The following DHRS9 variants were observed in gnomAD, a reference collection of about 807,000 sequenced individuals.
DHRS9 encodes the protein dehydrogenase/reductase SDR family member 9.
A neutral mutation model predicts 26.6 loss-of-function variants in DHRS9; 18 were observed. The ratio of observed to expected loss-of-function variants is 0.68; its 90% CI spans 0.47 to 1.00. The LOEUF (loss-of-function observed/expected upper bound fraction) is 1.00. DHRS9 is among the 50% of genes least tolerant of loss of function. The pLI is 0.00. For synonymous variants in DHRS9, 134 were observed against 141.1 expected (o/e 0.95, Z 0.36); for missense variants, 425 against 378.7 (o/e 1.12, Z -1.01).
chr2:169,087,395 C>T (rs6757032), intron 3 of DHRS9, among the ~76,000 whole-genome samples: 37,697 of 151,810 alleles, frequency 0.25, 5,105 homozygotes, highest in African/African-American at 0.36. Flanking sequence ...TCCCCTCTGG[C>T]CCAGGATAGG....
At chr2:169,091,051 A>G (rs1212581534) in intron 3 of DHRS9, among the ~76,000 whole-genome samples, 1 of 152,062 alleles carries the variant, frequency 6.6e-6, no homozygotes, top group Non-Finnish European at 1.5e-5. Context: ...GGTTAGGTAT[A>G]TTAGATGCAT....
At chr2:169,073,739 T>C (rs1051064763) in intron 1 of DHRS9, among the ~76,000 whole-genome samples, 5 of 152,150 alleles carry the variant, frequency 3.3e-5, no homozygotes, top group African/African-American at 1.2e-4. Flanking sequence ...ATATGAGTAA[T>C]TTTTATAAGT....
At chr2:169,068,158 G>C (rs943176787), upstream of DHRS9, among the ~76,000 whole-genome samples, 5 of 152,134 alleles carry the variant, frequency 3.3e-5, no homozygotes, top group African/African-American at 7.2e-5. Flanking sequence ...CACAGGAAGG[G>C]TTCAGTATTA....
At chr2:169,079,260 A>AT (rs927749218) in intron 1 of DHRS9, among the ~76,000 whole-genome samples, 20 of 151,960 alleles carry the variant, frequency 1.3e-4, no homozygotes, top group Admixed American at 6.6e-4. Context: ...CATTACATTG[A>AT]TTTTTTTTAA....
At chr2:169,081,915 T>C in intron 2 of DHRS9, 21 bp downstream of exon 2, 1 of 1,583,624 alleles carries the variant, frequency 6.3e-7, no homozygotes, top group Non-Finnish European at 8.6e-7. Context: ...TGGAAGTGGG[T>C]AGGATGGGAC....
At position 169,083,416 on chromosome 2, in the gene DHRS9, T is replaced by C. The variant is rs768120176; in HGVS notation, c.401T>C (p.Ile134Thr). The C allele has an allele frequency of 3.1e-6, 5 of 1,614,094 alleles. No individual in the cohort carries two copies. The highest frequency in any genetic ancestry group is 4.5e-5 in the East Asian group (2 of 44,876). Residue 134 changes from isoleucine (I) to threonine (T), a missense_variant, in exon 3 of 5, where the codon ATT becomes ACT. By Grantham distance (89) the Ile-to-Thr change is moderately conservative. Transcript: ENST00000674881. ...WLTLEDYREP[I>T]EVNLFGLISV... Reference sequence around the variant, plus strand: ...ACACTAGAGGACTACAGAGAACCTATTGAAGTGAACCTGTTTGGACTCATC... The same window carrying C: ...ACACTAGAGGACTACAGAGAACCTACTGAAGTGAACCTGTTTGGACTCATC...
chr2:169,085,879 T>G (rs1684333979), intron 3 of DHRS9, among the ~76,000 whole-genome samples: 1 of 152,254 alleles, frequency 6.6e-6, no homozygotes, highest in Admixed American at 6.5e-5. Flanking sequence ...GTTATTTGTT[T>G]TTGAGGAATC....
At chr2:169,088,665 C>T (rs528553359) in intron 3 of DHRS9, among the ~76,000 whole-genome samples, 9 of 152,214 alleles carry the variant, frequency 5.9e-5, no homozygotes, top group South Asian at 4.1e-4. Flanking sequence ...AATTAATTTG[C>T]GCAAGGTCAC....
At chr2:169,074,491 G>T in intron 1 of DHRS9, 1 of 980,976 alleles carries the variant, frequency 1.0e-6, no homozygotes, top group Non-Finnish European at 1.2e-6. Context: ...TTTCTGAATT[G>T]TTGGGACCAA....
chr2:169,091,488 C>T (rs1284499311), intron 3 of DHRS9, among the ~76,000 whole-genome samples: 1 of 152,086 alleles, frequency 6.6e-6, no homozygotes, highest in Non-Finnish European at 1.5e-5. Flanking sequence ...CTGTTCATAA[C>T]CTGAATGTCC....
intron 3 of DHRS9, among the ~76,000 whole-genome samples, chr2:169,087,662 C>T (rs994172581): frequency 6.6e-6 from 1 of 152,058 alleles, no homozygotes; most frequent in Non-Finnish European, 1.5e-5. Flanking sequence ...TTGGGTATTG[C>T]TCCTGATTTT....
upstream of DHRS9, chr2:169,069,526 G>A: frequency 1.0e-6 from 1 of 985,340 alleles, no homozygotes; most frequent in Middle Eastern, 5.2e-4. Flanking sequence ...GACTCACAGA[G>A]CAAGGAGAGA....
Position 169,094,194 on chromosome 2 carries a change from C to T in DHRS9, c.737-1350C>T, listed in dbSNP as rs532616491. Among the ~76,000 whole-genome samples the T allele has an allele frequency of 2.6e-5, 4 of 152,274 alleles. No individual in the cohort carries two copies. The East Asian group carries it at 7.7e-4, about 29-fold the overall frequency. ...TTCCCTGATGATTAGTGGTGACAAA[C>T]ATTTTTTTCATATACCTGTTGGCCA... On this transcript the variant is annotated intron_variant, in intron 4 of 4. Coordinates refer to ENST00000674881, the MANE Select transcript of DHRS9 (RefSeq NM_001376924.1).
intron 2 of DHRS9, 72 bp downstream of exon 2, chr2:169,081,966 A>T: frequency 1.4e-6 from 2 of 1,427,848 alleles, no homozygotes; most frequent in Non-Finnish European, 1.9e-6. Context: ...TAAATAAAAC[A>T]TGCTCAAGTT....
intron 3 of DHRS9, among the ~76,000 whole-genome samples, chr2:169,088,489 G>A (rs1476611482): frequency 1.3e-5 from 2 of 152,098 alleles, no homozygotes. Context: ...TCTGATTTTT[G>A]GTTTTATGAA....
upstream of DHRS9, chr2:169,067,116 A>G: frequency 6.5e-7 from 1 of 1,534,800 alleles, no homozygotes; most frequent in Non-Finnish European, 8.7e-7. Flanking sequence ...TGTTCCACTG[A>G]GAATGACTTG....
chr2:169,081,024 C>A, intron 1 of DHRS9: 2 of 576,622 alleles, frequency 3.5e-6, no homozygotes, highest in Non-Finnish European at 4.4e-6. Context: ...TTAGTGGCAA[C>A]AAAAAATGCT....
At chr2:169,074,067 C>T (rs1683889526) in intron 1 of DHRS9, among the ~76,000 whole-genome samples, 1 of 152,018 alleles carries the variant, frequency 6.6e-6, no homozygotes. Flanking sequence ...TTACCTGGCC[C>T]AAAATATCAA....
intron 2 of DHRS9, among the ~76,000 whole-genome samples, chr2:169,082,618 A>C (rs556828832): frequency 3.0e-4 from 45 of 152,162 alleles, no homozygotes; most frequent in Non-Finnish European, 5.9e-4. Context: ...GATTTTTAAC[A>C]CTTGAATTCC....
Sources: gnomAD v4.1 joint callset for allele counts (sites outside exome capture counted in the v4.1 genomes callset) on GRCh38, gnomAD v4.1.1 for gene constraint, MANE v1.5 for transcripts, NCBI Gene and HGNC (gene_info 2026-07-23, HGNC 2026-07-21) for gene names.